SYCP2: variants seen among roughly 807,000 people sequenced by gnomAD.
The protein encoded by SYCP2 is synaptonemal complex protein 2, also known as synaptonemal complex lateral element protein.
In SYCP2, 55 loss-of-function variants were observed where a neutral mutation model predicts 211.3. The observed-to-expected ratio is 0.26, with a 90% CI of 0.21 to 0.33. SYCP2 has a LOEUF of 0.33. SYCP2 is among the 10% of genes least tolerant of loss of function. The probability of loss-of-function intolerance (pLI) is 1.00; values close to 1 mark genes in which losing one functional copy is unlikely to be tolerated. For missense variants in SYCP2, 1,731 were observed against 1,752.0 expected (o/e 0.99, Z 0.21); for synonymous variants, 570 against 555.2 (o/e 1.03, Z -0.37).
intron 2 of SYCP2, among the ~76,000 whole-genome samples, chr20:59,924,452 C>T (rs936411382): frequency 6.6e-6 from 1 of 151,880 alleles, no homozygotes; most frequent in Non-Finnish European, 1.5e-5. Flanking sequence ...AAAGTTTTGC[C>T]TCCCCTACAA....
chr20:59,878,107 T>A (rs1180026267), intron 31 of SYCP2, 62 bp from the exon 32 acceptor site: 2 of 1,046,216 alleles, frequency 1.9e-6, no homozygotes, highest in Non-Finnish European at 2.9e-6. Flanking sequence ...TTAAATTTAT[T>A]AGAACATCAT....
chr20:59,932,401 C>A (rs1181553470), intron 1 of SYCP2, among the ~76,000 whole-genome samples: 1 of 152,064 alleles, frequency 6.6e-6, no homozygotes, highest in African/African-American at 2.4e-5. Context: ...GTAGGCCGGG[C>A]GAGGTGGCTC....
intron 18 of SYCP2, 111 bp downstream of exon 18, chr20:59,900,023 GTGAT>G: frequency 8.9e-7 from 1 of 1,121,106 alleles, no homozygotes; most frequent in South Asian, 1.4e-5. Context: ...ACTCTGAAAT[GTGAT>G]TGATCAAGGC....
At chr20:59,900,942 A>G in intron 16 of SYCP2, 124 bp from the exon 17 acceptor site, 1 of 704,620 alleles carries the variant, frequency 1.4e-6, no homozygotes, top group East Asian at 2.7e-5. Flanking sequence ...CAAATATCCC[A>G]AATTATTACT....
intron 16 of SYCP2, 52 bp downstream of exon 16, chr20:59,901,610 C>A: frequency 8.8e-7 from 1 of 1,133,010 alleles, no homozygotes. Context: ...TAACGCCAAA[C>A]TGTTTCCAGA....
At chr20:59,925,924 A>C (rs759473983) in intron 2 of SYCP2, among the ~76,000 whole-genome samples, 2 of 152,076 alleles carry the variant, frequency 1.3e-5, no homozygotes, top group Non-Finnish European at 2.9e-5. Flanking sequence ...AGTTTGTCAA[A>C]ACCTCACAGA....
chr20:59,867,674 T>C, intron 39 of SYCP2, 37 bp downstream of exon 39: 1 of 1,544,068 alleles, frequency 6.5e-7, no homozygotes. Context: ...TATTATTATA[T>C]TATTGGGTAT....
At chr20:59,900,006 G>C in intron 18 of SYCP2, 132 bp downstream of exon 18, 2 of 991,704 alleles carry the variant, frequency 2.0e-6, no homozygotes, top group Non-Finnish European at 3.1e-6. Flanking sequence ...TCAAAGGTAG[G>C]AGAAACACTC....
Position 59,869,985 on chromosome 20 carries a change from TATGA to T in SYCP2, c.3556-6_3556-3del. On this transcript the variant is annotated splice_region_variant and splice_polypyrimidine_tract_variant and intron_variant, in intron 35 of 44. Coordinates refer to ENST00000357552, the MANE Select transcript of SYCP2 (RefSeq NM_014258.4). ...ACTCTTAGTTGGAGTATGTCTGGGCTATGAATGAAGACATACAAAAACCCAATAA... is the reference window on the plus strand; with the variant it reads ...ACTCTTAGTTGGAGTATGTCTGGGCTATGAAGACATACAAAAACCCAATAA... The T allele has an allele frequency of 1.3e-6, 2 of 1,569,110 alleles. No individual in the cohort carries two copies. The highest frequency in any genetic ancestry group is 1.7e-6 in the Non-Finnish European group (2 of 1,155,618).
chr20:59,877,680 A>G (rs2059587874), intron 32 of SYCP2, 125 bp from the exon 33 acceptor site: 2 of 779,206 alleles, frequency 2.6e-6, no homozygotes, highest in Non-Finnish European at 4.0e-6. Flanking sequence ...ATTCTTGATT[A>G]ACATACTTTA....
In SYCP2 at chr20:59,893,213, A is replaced by T; in HGVS notation, c.1736-14T>A. The T allele has an allele frequency of 6.4e-7, 1 of 1,563,298 alleles. No homozygotes were observed. The highest frequency in any genetic ancestry group is 8.7e-7 in the Non-Finnish European group (1 of 1,147,876). On this transcript the variant is annotated splice_polypyrimidine_tract_variant and intron_variant, in intron 21 of 44. Transcript: ENST00000357552. ...CCTGGAGTTCACCTAAATAAAACAA[A>T]TATTATAATATTTTCATTTTTTTCA...
chr20:59,893,770 C>T (rs2059954491), intron 20 of SYCP2, among the ~76,000 whole-genome samples, 177 bp from the exon 21 acceptor site: 1 of 151,934 alleles, frequency 6.6e-6, no homozygotes, highest in Non-Finnish European at 1.5e-5. Context: ...TATCCTGAAA[C>T]ACAAGAAGAA....
chr20:59,903,678 GTATT>G (rs2060160223), intron 15 of SYCP2, among the ~76,000 whole-genome samples: 1 of 152,126 alleles, frequency 6.6e-6, no homozygotes, highest in African/African-American at 2.4e-5. Flanking sequence ...AAATGTGTAA[GTATT>G]CTTACCTGAA....
chr20:59,897,055 A>G lies in SYCP2; in HGVS notation c.1405-527T>C, dbSNP rs1217628381. On this transcript the variant is annotated intron_variant, in intron 18 of 44. Transcript: ENST00000357552. The stretch of plus-strand genomic sequence containing the variant: ...TGGCACATAATCTAGTGGTTCCAAT[A>G]AAGATTTGTTTTCTCCCATATCATC... Among the ~76,000 whole-genome samples the G allele has an allele frequency of 4.6e-5, 7 of 152,280 alleles. No individual in the cohort carries two copies. The South Asian group carries it at 1.0e-3, about 23-fold the overall frequency.
chr20:59,904,752 A>G (rs970363010), intron 15 of SYCP2, among the ~76,000 whole-genome samples: 1 of 152,152 alleles, frequency 6.6e-6, no homozygotes, highest in Non-Finnish European at 1.5e-5. Flanking sequence ...AAAAAGATTT[A>G]TTTGGCTCAT....
chr20:59,915,297 T>A, intron 9 of SYCP2, 98 bp from the exon 10 acceptor site: 1 of 1,071,704 alleles, frequency 9.3e-7, no homozygotes. Flanking sequence ...AAATTTACAA[T>A]TGGCTAATAT....
At chr20:59,864,413 C>A in intron 44 of SYCP2, 25 bp from the exon 45 acceptor site, 3 of 1,489,302 alleles carry the variant, frequency 2.0e-6, no homozygotes, top group African/African-American at 1.4e-5. Flanking sequence ...AAAAAAATCA[C>A]ACTTAGATTT....
At chr20:59,915,598 A>G in intron 8 of SYCP2, 48 bp from the exon 9 acceptor site, 1 of 1,154,814 alleles carries the variant, frequency 8.7e-7, no homozygotes, top group South Asian at 1.3e-5. Context: ...TCAGTGAAAC[A>G]CTATTAAGAG....
At chr20:59,913,571 T>C (rs984092270) in intron 12 of SYCP2, among the ~76,000 whole-genome samples, 1 of 152,164 alleles carries the variant, frequency 6.6e-6, no homozygotes, top group Admixed American at 6.5e-5. Context: ...GTTTGCTATA[T>C]ATTTACATTC....
Sources: allele counts gnomAD v4.1 joint callset (sites outside exome capture counted in the v4.1 genomes callset), GRCh38; gene constraint gnomAD v4.1.1; transcripts MANE v1.5; gene names NCBI Gene and HGNC (gene_info 2026-07-23, HGNC 2026-07-21).